Variants in FAR2 observed in about 807,000 individuals in gnomAD.
FAR2 encodes epididymis secretory protein Li 81.
FAR2 carries 19 observed loss-of-function variants against 56.0 expected under a neutral mutation model. The ratio of observed to expected loss-of-function variants is 0.34; its 90% CI spans 0.24 to 0.50. FAR2 has a LOEUF of 0.50. Ranked by LOEUF, FAR2 falls within the 20% of genes least tolerant of loss-of-function variation. The pLI, the probability that FAR2 is intolerant of heterozygous loss-of-function variation, is 0.98. For synonymous variants in FAR2, 219 were observed against 218.8 expected (o/e 1.00, Z -0.01); for missense variants, 508 against 642.2 (o/e 0.79, Z 2.26).
chr12:29,290,903 TAGA>T (rs1948954366), intron 2 of FAR2, among the ~76,000 whole-genome samples: 1 of 152,018 alleles, frequency 6.6e-6, no homozygotes, highest in Non-Finnish European at 1.5e-5. Context: ...TGGCAAACAA[TAGA>T]AGAATTAATA....
intron 1 of FAR2, among the ~76,000 whole-genome samples, chr12:29,236,209 ATCT>A (rs1283085243): frequency 6.6e-6 from 1 of 152,152 alleles, no homozygotes; most frequent in Admixed American, 6.6e-5. Flanking sequence ...ATAATAGGAA[ATCT>A]TCTTTTGTAG....
At chr12:29,177,289 C>T (rs550291596) in intron 1 of FAR2, among the ~76,000 whole-genome samples, 9 of 152,114 alleles carry the variant, frequency 5.9e-5, no homozygotes, top group South Asian at 2.1e-4. Flanking sequence ...ATAGCAATGG[C>T]GGGGGGGATC....
chr12:29,260,881 G>A (rs548097980), intron 1 of FAR2, among the ~76,000 whole-genome samples: 3 of 152,266 alleles, frequency 2.0e-5, no homozygotes, highest in Admixed American at 6.5e-5. Context: ...GGCCCCCAAG[G>A]CCACCAAGGC....
intron 1 of FAR2, among the ~76,000 whole-genome samples, chr12:29,258,859 A>G (rs1948371499): frequency 1.3e-5 from 2 of 152,364 alleles, no homozygotes; most frequent in Middle Eastern, 3.4e-3. Flanking sequence ...TTATGGATGC[A>G]TTTATAGCAC....
At chr12:29,192,066 C>T (rs1333224044) in intron 1 of FAR2, among the ~76,000 whole-genome samples, 2 of 152,280 alleles carry the variant, frequency 1.3e-5, no homozygotes, top group East Asian at 3.9e-4. Context: ...GTTAGCTTTC[C>T]AGTGACTTTC....
chr12:29,178,642 C>T (rs542828040), intron 1 of FAR2, among the ~76,000 whole-genome samples: 5 of 151,878 alleles, frequency 3.3e-5, no homozygotes, highest in South Asian at 4.2e-4. Flanking sequence ...GGGCCCAGGA[C>T]GGGGGACAGC....
chr12:29,228,113 C>G (rs938066604), intron 1 of FAR2, among the ~76,000 whole-genome samples: 6 of 150,304 alleles, frequency 4.0e-5, no homozygotes, highest in Middle Eastern at 3.4e-3. Context: ...CACATGTACC[C>G]TAGAACTTAG....
At chr12:29,218,358 CAA>C (rs11382590) in intron 1 of FAR2, among the ~76,000 whole-genome samples, 2 of 138,472 alleles carry the variant, frequency 1.4e-5, no homozygotes, top group Non-Finnish European at 1.6e-5. Context: ...GACTCCGTCT[CAA>C]AAAAAAAAAA....
At chr12:29,230,458 C>T (rs949748996) in intron 1 of FAR2, among the ~76,000 whole-genome samples, 3 of 151,930 alleles carry the variant, frequency 2.0e-5, no homozygotes, top group Admixed American at 6.6e-5. Flanking sequence ...GAAATGCAAT[C>T]AGAGAGGTCA....
intron 1 of FAR2, among the ~76,000 whole-genome samples, chr12:29,155,476 C>A (rs911125401): frequency 2.0e-5 from 3 of 152,208 alleles, no homozygotes; most frequent in African/African-American, 7.2e-5. Flanking sequence ...TCTTCCTTGG[C>A]TTCATCAGCT....
chr12:29,242,069 T>C (rs1244256597), intron 1 of FAR2, among the ~76,000 whole-genome samples: 1 of 152,166 alleles, frequency 6.6e-6, no homozygotes, highest in African/African-American at 2.4e-5. Context: ...CAAACATCCG[T>C]GTTAATGCTC....
chr12:29,274,671 C>G (rs939863991), intron 2 of FAR2, among the ~76,000 whole-genome samples: 1 of 151,960 alleles, frequency 6.6e-6, no homozygotes, highest in Admixed American at 6.5e-5. Flanking sequence ...GTGAAAATGG[C>G]CTGTTCCTGC....
chr12:29,180,293 G>T (rs1949979710), intron 1 of FAR2, among the ~76,000 whole-genome samples: 1 of 152,198 alleles, frequency 6.6e-6, no homozygotes, highest in African/African-American at 2.4e-5. Flanking sequence ...ATTATGCCCT[G>T]TTCTTGCAGA....
At chr12:29,202,056 A>T (rs182115750) in intron 1 of FAR2, among the ~76,000 whole-genome samples, 1 of 152,152 alleles carries the variant, frequency 6.6e-6, no homozygotes, top group African/African-American at 2.4e-5. Context: ...TATAATTTTT[A>T]AAAAGAGGTA....
intron 1 of FAR2, among the ~76,000 whole-genome samples, chr12:29,227,590 C>A (rs981166409): frequency 1.6e-4 from 25 of 152,126 alleles, no homozygotes; most frequent in African/African-American, 5.8e-4. Flanking sequence ...TCCTTTTTGT[C>A]ATTTTGCCCT....
chr12:29,157,663 A>C (rs1244348244), intron 1 of FAR2, among the ~76,000 whole-genome samples: 1 of 152,168 alleles, frequency 6.6e-6, no homozygotes, highest in African/African-American at 2.4e-5. Context: ...AACACCCCAC[A>C]TTTTAGATCA....
rs1057232578 is a variant in FAR2 at position 29,164,363 on chromosome 12, A to G, written c.-39+14956A>G. Reference sequence around the variant, plus strand: ...TTGTTTCTCATGCCTGCATCTAGACAGGAATTGGCTTCTGCTCCAAAAGGA... The same window carrying G: ...TTGTTTCTCATGCCTGCATCTAGACGGGAATTGGCTTCTGCTCCAAAAGGA... On this transcript the variant is annotated intron_variant, in intron 1 of 11. Transcript: ENST00000536681. Among the ~76,000 whole-genome samples the G allele has an allele frequency of 1.1e-4, 16 of 152,166 alleles. 1 individual carries two copies. Among genetic ancestry groups the G allele is most frequent in the Admixed American group, 9.8e-4 (15 of 15,276 alleles).
At chr12:29,215,661 A>G (rs1947613371) in intron 1 of FAR2, among the ~76,000 whole-genome samples, 1 of 152,214 alleles carries the variant, frequency 6.6e-6, no homozygotes, top group South Asian at 2.1e-4. Context: ...CTTAACTTTG[A>G]GGTAATTATC....
intron 9 of FAR2, among the ~76,000 whole-genome samples, chr12:29,318,842 G>C (rs1407332256): frequency 6.6e-6 from 1 of 152,106 alleles, no homozygotes; most frequent in African/African-American, 2.4e-5. Context: ...GCCTGTGTCA[G>C]GAGAGGATGC....
Sources: allele counts gnomAD v4.1 joint callset (sites outside exome capture counted in the v4.1 genomes callset), GRCh38; gene constraint gnomAD v4.1.1; transcripts MANE v1.5; gene names NCBI Gene and HGNC (gene_info 2026-07-23, HGNC 2026-07-21).